SPTLC2: variants seen among roughly 807,000 people sequenced by gnomAD.
SPTLC2 encodes serine palmitoyltransferase long chain base subunit 2, also known as serine palmitoyltransferase 2.
SPTLC2 carries 21 observed loss-of-function variants against 62.0 expected under a neutral mutation model. The ratio of observed to expected loss-of-function variants is 0.34; its 90% CI spans 0.24 to 0.49. The LOEUF (loss-of-function observed/expected upper bound fraction) is 0.49, where lower values mean the gene tolerates loss of function less well. Ranked by LOEUF, SPTLC2 falls within the 20% of genes least tolerant of loss-of-function variation. SPTLC2 has a pLI of 0.99. For missense variants in SPTLC2, 511 were observed against 713.0 expected, an observed-to-expected ratio of 0.72 and a Z score of 3.23; for synonymous variants, 261 against 261.8, an observed-to-expected ratio of 1.00 and a Z score of 0.03.
chr14:77,557,340 A>C, intron 6 of SPTLC2, 194 bp from the exon 7 acceptor site: 1 of 596,428 alleles, frequency 1.7e-6, no homozygotes, highest in Non-Finnish European at 3.0e-6. Context: ...AATGTAACAA[A>C]TGTTCAAAAC....
At chr14:77,556,512 G>T (rs17824754) in intron 7 of SPTLC2, among the ~76,000 whole-genome samples, 11,794 of 152,018 alleles carry the variant, frequency 0.078, 641 homozygotes, top group Admixed American at 0.15. Flanking sequence ...GTAAAAATAC[G>T]TGTAAAAGCT....
chr14:77,577,948 C>T (rs1391885902), intron 3 of SPTLC2, among the ~76,000 whole-genome samples: 2 of 151,586 alleles, frequency 1.3e-5, no homozygotes, highest in African/African-American at 4.9e-5. Context: ...AGTTCGAGAC[C>T]AGCCTGGCCA....
At chr14:77,606,134 A>G (rs1390053502) in intron 1 of SPTLC2, among the ~76,000 whole-genome samples, 1 of 152,196 alleles carries the variant, frequency 6.6e-6, no homozygotes, top group African/African-American at 2.4e-5. Flanking sequence ...CTTCGAGACC[A>G]GCCTGACCAA....
intron 9 of SPTLC2, among the ~76,000 whole-genome samples, chr14:77,541,886 G>T (rs1381371433): frequency 6.6e-6 from 1 of 152,048 alleles, no homozygotes; most frequent in Non-Finnish European, 1.5e-5. Flanking sequence ...GAGAAACCCC[G>T]TCTCTACTAA....
intron 2 of SPTLC2, among the ~76,000 whole-genome samples, chr14:77,587,158 G>A (rs1434282135): frequency 2.0e-5 from 3 of 152,012 alleles, no homozygotes; most frequent in Non-Finnish European, 4.4e-5. Context: ...AACCCAGGAG[G>A]CGGAGCTTGC....
chr14:77,604,815 C>A (rs1377196701), intron 1 of SPTLC2, among the ~76,000 whole-genome samples: 1 of 137,278 alleles, frequency 7.3e-6, no homozygotes, highest in Non-Finnish European at 1.5e-5. Flanking sequence ...TGCGGTGAGT[C>A]AAGATCCTGC....
chr14:77,520,761 T>G (rs1373464969), intron 10 of SPTLC2, among the ~76,000 whole-genome samples: 1 of 152,236 alleles, frequency 6.6e-6, no homozygotes, highest in African/African-American at 2.4e-5. Flanking sequence ...CCAAAGAAGC[T>G]GGTGTAATCT....
intron 5 of SPTLC2, among the ~76,000 whole-genome samples, chr14:77,569,432 C>A (rs1034953323): frequency 1.3e-5 from 2 of 152,124 alleles, no homozygotes; most frequent in Non-Finnish European, 2.9e-5. Context: ...CAGACCCATA[C>A]ACTGCATAAC....
At chr14:77,519,250 G>C (rs577251367) in intron 10 of SPTLC2, among the ~76,000 whole-genome samples, 1 of 151,992 alleles carries the variant, frequency 6.6e-6, no homozygotes, top group Non-Finnish European at 1.5e-5. Flanking sequence ...ATGTTGGCCA[G>C]GATGGTCTCG....
chr14:77,594,002 G>C (rs1434059476), intron 2 of SPTLC2, among the ~76,000 whole-genome samples: 3 of 151,986 alleles, frequency 2.0e-5, no homozygotes, highest in African/African-American at 7.3e-5. Flanking sequence ...TTATCTACTG[G>C]GAATATTCTA....
chr14:77,524,073 GGAGA>G (rs1239098082), intron 9 of SPTLC2, among the ~76,000 whole-genome samples: 2 of 152,098 alleles, frequency 1.3e-5, no homozygotes, highest in African/African-American at 4.8e-5. Context: ...AGAAACATGA[GGAGA>G]GAAAGGAAAT....
chr14:77,592,890 T>C (rs1340800506), intron 2 of SPTLC2, among the ~76,000 whole-genome samples: 1 of 152,006 alleles, frequency 6.6e-6, no homozygotes, highest in Non-Finnish European at 1.5e-5. Flanking sequence ...CAGGCTGAGG[T>C]CAGGAGTTTG....
At chr14:77,517,039 G>A (rs1308490574) in intron 11 of SPTLC2, among the ~76,000 whole-genome samples, 2 of 152,190 alleles carry the variant, frequency 1.3e-5, no homozygotes, top group Admixed American at 6.5e-5. Flanking sequence ...CTGAGGTCGG[G>A]AGTTCGAGAC....
intron 1 of SPTLC2, among the ~76,000 whole-genome samples, chr14:77,606,028 A>G (rs2267749): frequency 0.41 from 62,769 of 152,144 alleles, 13,543 homozygotes; most frequent in East Asian, 0.64. Flanking sequence ...CACATTGTCT[A>G]GAAATCGTCA....
chr14:77,532,501 T>C (rs999678984), intron 9 of SPTLC2, among the ~76,000 whole-genome samples: 5 of 152,208 alleles, frequency 3.3e-5, no homozygotes, highest in African/African-American at 9.6e-5. Flanking sequence ...AATCTGATTC[T>C]GGGCTGGGCG....
Position 77,545,603 on chromosome 14 carries a change from T to C in SPTLC2, c.1303+6493A>G, listed in dbSNP as rs1357429330. On this transcript the variant is annotated intron_variant, in intron 9 of 11. Coordinates refer to ENST00000216484, the MANE Select transcript of SPTLC2 (RefSeq NM_004863.4). The stretch of plus-strand genomic sequence containing the variant: ...GTTCTTACTTTGAGCAGATTCCATC[T>C]ATCAGGTCACTGGTTTATACATATT... Among the ~76,000 whole-genome samples, 4 of 152,192 alleles carry C rather than the reference T, an allele frequency of 2.6e-5. No homozygotes were observed. The East Asian group carries it at 7.7e-4, about 29-fold the overall frequency.
chr14:77,518,493 A>C (rs2079369742), intron 10 of SPTLC2, among the ~76,000 whole-genome samples: 1 of 151,276 alleles, frequency 6.6e-6, no homozygotes, highest in Non-Finnish European at 1.5e-5. Context: ...GCTACTCAGG[A>C]GGCTGAGGCA....
chr14:77,558,470 C>G (rs1039546342), intron 6 of SPTLC2, among the ~76,000 whole-genome samples: 4 of 152,156 alleles, frequency 2.6e-5, no homozygotes, highest in African/African-American at 9.7e-5. Flanking sequence ...AATAAAAACA[C>G]AGAACACAAA....
chr14:77,578,192 C>T (rs2079727630), intron 3 of SPTLC2, among the ~76,000 whole-genome samples: 1 of 152,048 alleles, frequency 6.6e-6, no homozygotes, highest in South Asian at 2.1e-4. Context: ...GTTAAAAATA[C>T]AAAAAGTTTT....
Sources: gnomAD v4.1 joint callset for allele counts (sites outside exome capture counted in the v4.1 genomes callset) on GRCh38, gnomAD v4.1.1 for gene constraint, MANE v1.5 for transcripts, NCBI Gene and HGNC (gene_info 2026-07-23, HGNC 2026-07-21) for gene names.